Variants in KCNIP1 observed in about 807,000 individuals in gnomAD.
KCNIP1 encodes potassium voltage-gated channel interacting protein 1.
A neutral mutation model predicts 33.0 loss-of-function variants in KCNIP1; 18 were observed. The observed-to-expected ratio is 0.55, with a 90% confidence interval of 0.38 to 0.81. The LOEUF (loss-of-function observed/expected upper bound fraction) is 0.81, where lower values mean the gene tolerates loss of function less well. Among genes scored for constraint, KCNIP1 ranks in the 30% least tolerant of loss-of-function variants. KCNIP1 has a pLI of 0.00. For synonymous variants in KCNIP1, 93 were observed against 98.3 expected, an observed-to-expected ratio of 0.95 and a Z score of 0.32; for missense variants, 238 against 271.6, an observed-to-expected ratio of 0.88 and a Z score of 0.87.
chr5:170,405,916 G>T (rs1490536856), intron 1 of KCNIP1, among the ~76,000 whole-genome samples: 1 of 152,178 alleles, frequency 6.6e-6, no homozygotes, highest in Non-Finnish European at 1.5e-5. Flanking sequence ...AACCTTGTGT[G>T]ATTGGCAACA....
intron 1 of KCNIP1, among the ~76,000 whole-genome samples, chr5:170,623,244 G>A (rs997265596): frequency 2.1e-4 from 31 of 150,634 alleles, no homozygotes; most frequent in African/African-American, 6.6e-4. Context: ...ATGGAGTTTC[G>A]CTCTTGTTGC....
chr5:170,594,936 G>A (rs546369567), intron 1 of KCNIP1, among the ~76,000 whole-genome samples: 164 of 152,344 alleles, frequency 1.1e-3, no homozygotes, highest in African/African-American at 3.7e-3. Context: ...TGGGTTTCTC[G>A]TGAGGAGTGT....
intron 1 of KCNIP1, among the ~76,000 whole-genome samples, chr5:170,452,997 C>A (rs767937350): frequency 6.6e-6 from 1 of 152,166 alleles, no homozygotes; most frequent in Non-Finnish European, 1.5e-5. Context: ...TCTTGAGGAA[C>A]AGGATTATTA....
At chr5:170,457,811 C>G (rs377706068) in intron 1 of KCNIP1, among the ~76,000 whole-genome samples, 1 of 152,156 alleles carries the variant, frequency 6.6e-6, no homozygotes. Flanking sequence ...AAAAATCACA[C>G]TAGGTCACCA....
intron 1 of KCNIP1, among the ~76,000 whole-genome samples, chr5:170,562,848 G>A (rs1757079545): frequency 6.6e-6 from 1 of 152,196 alleles, no homozygotes; most frequent in Non-Finnish European, 1.5e-5. Context: ...TAAGGTTCAG[G>A]CCCTGGAATA....
intron 1 of KCNIP1, among the ~76,000 whole-genome samples, chr5:170,682,163 T>A (rs1285906652): frequency 6.6e-6 from 1 of 152,178 alleles, no homozygotes; most frequent in East Asian, 1.9e-4. Flanking sequence ...AACTGAAGTG[T>A]AAGATGAGGT....
chr5:170,552,426 G>A (rs552185677), intron 1 of KCNIP1, among the ~76,000 whole-genome samples: 16 of 152,306 alleles, frequency 1.1e-4, no homozygotes, highest in Admixed American at 4.6e-4. Context: ...TTGGAGAAAC[G>A]AGAAGGGATC....
chr5:170,699,564 A>C lies in KCNIP1; in HGVS notation c.62-19194A>C, dbSNP rs987475693. Among the ~76,000 whole-genome samples the C allele has an allele frequency of 1.7e-3, 257 of 151,776 alleles. 1 individual carries two copies. The highest frequency in any genetic ancestry group is 5.3e-3 in the African/African-American group (221 of 41,358). On this transcript the variant is annotated intron_variant, in intron 1 of 7. Coordinates refer to ENST00000328939, the MANE Select transcript of KCNIP1 (RefSeq NM_014592.4). Reference sequence around the variant, plus strand: ...GAATTAAATTGCTCTGTGAAAAAAAAAAAAAAAAAAAAAAGTTTTACAGTC... The same window carrying C: ...GAATTAAATTGCTCTGTGAAAAAAACAAAAAAAAAAAAAAGTTTTACAGTC...
chr5:170,625,663 G>A (rs1759793765), intron 1 of KCNIP1, among the ~76,000 whole-genome samples: 1 of 152,194 alleles, frequency 6.6e-6, no homozygotes, highest in Non-Finnish European at 1.5e-5. Context: ...GCACCCAACA[G>A]CTCTATTCAG....
At chr5:170,484,874 C>T (rs1757051451) in intron 1 of KCNIP1, among the ~76,000 whole-genome samples, 1 of 152,062 alleles carries the variant, frequency 6.6e-6, no homozygotes, top group South Asian at 2.1e-4. Context: ...ATTTGCCACC[C>T]TCCCTCTCTG....
intron 1 of KCNIP1, among the ~76,000 whole-genome samples, chr5:170,542,973 C>T (rs1397056098): frequency 6.6e-6 from 1 of 152,148 alleles, no homozygotes; most frequent in Non-Finnish European, 1.5e-5. Context: ...AGTGCACAAG[C>T]AAATTCAATG....
intron 1 of KCNIP1, among the ~76,000 whole-genome samples, chr5:170,594,330 A>G (rs953969174): frequency 6.6e-6 from 1 of 152,148 alleles, no homozygotes; most frequent in African/African-American, 2.4e-5. Context: ...GAAGTGTCCC[A>G]TCTTGGGTAT....
intron 1 of KCNIP1, chr5:170,483,276 A>T: frequency 3.7e-6 from 1 of 273,892 alleles, no homozygotes; most frequent in East Asian, 1.2e-4. Flanking sequence ...GACTAAAAAG[A>T]TGAAAGCCAA....
chr5:170,512,890 A>G (rs1286462246), intron 1 of KCNIP1, among the ~76,000 whole-genome samples: 1 of 152,180 alleles, frequency 6.6e-6, no homozygotes, highest in African/African-American at 2.4e-5. Context: ...TCTACTAAAA[A>G]TACAAAAAAA....
At chr5:170,531,228 G>A (rs1289399096) in intron 1 of KCNIP1, among the ~76,000 whole-genome samples, 1 of 152,130 alleles carries the variant, frequency 6.6e-6, no homozygotes, top group Non-Finnish European at 1.5e-5. Context: ...ATGATGATGG[G>A]CCTTTGGAAA....
intron 1 of KCNIP1, among the ~76,000 whole-genome samples, chr5:170,520,200 G>A (rs1169631448): frequency 1.3e-5 from 2 of 152,190 alleles, no homozygotes; most frequent in East Asian, 1.9e-4. Context: ...TTGTCACACA[G>A]TCCTATGAAG....
intron 1 of KCNIP1, among the ~76,000 whole-genome samples, chr5:170,646,477 T>C (rs192273575): frequency 1.6e-4 from 24 of 152,254 alleles, no homozygotes; most frequent in Admixed American, 1.6e-3. Context: ...ATCAACAGGC[T>C]AAAGAAGAAA....
intron 1 of KCNIP1, among the ~76,000 whole-genome samples, chr5:170,553,558 G>A (rs1437925510): frequency 1.3e-5 from 2 of 152,240 alleles, no homozygotes; most frequent in African/African-American, 2.4e-5. Context: ...ACAGTGGAAA[G>A]AGCTCTCCTC....
intron 1 of KCNIP1, among the ~76,000 whole-genome samples, chr5:170,529,973 T>A (rs1017547205): frequency 1.3e-5 from 2 of 152,180 alleles, no homozygotes; most frequent in Non-Finnish European, 2.9e-5. Flanking sequence ...ATTAAACTCT[T>A]CCTTGAATGC....
Sources: gnomAD v4.1 joint callset for allele counts (sites outside exome capture counted in the v4.1 genomes callset) on GRCh38, gnomAD v4.1.1 for gene constraint, MANE v1.5 for transcripts, NCBI Gene and HGNC (gene_info 2026-07-23, HGNC 2026-07-21) for gene names.